The following SMO variants were observed in gnomAD, a reference collection of about 807,000 sequenced individuals.
SMO encodes the protein protein smoothened.
Under a neutral mutation model 81.6 loss-of-function variants are expected in SMO, and 40 were observed. The observed-to-expected ratio is 0.49, with a 90% CI of 0.38 to 0.64. The LOEUF (loss-of-function observed/expected upper bound fraction) is 0.64, where lower values mean the gene tolerates loss of function less well. Among genes scored for constraint, SMO ranks in the 30% least tolerant of loss-of-function variants. The pLI is 0.00. For synonymous variants in SMO, 434 were observed against 432.1 expected, an observed-to-expected ratio of 1.00 and a Z score of -0.05; for missense variants, 916 against 1,061.1, an observed-to-expected ratio of 0.86 and a Z score of 1.90.
rs1793845215 is a variant in SMO, at chr7:129,210,138, G to T, written c.1467-225G>T. 3 of 489,170 alleles carry T rather than the reference G, an allele frequency of 6.1e-6. No individual in the cohort carries two copies. The highest frequency in any genetic ancestry group is 4.7e-5 in the South Asian group (2 of 42,332). The allele number at this position is 489,170 out of a possible 1,614,324, so 30.3% of individuals were successfully genotyped here. A position where few individuals can be genotyped will look rare whatever the true frequency, so the allele number is the denominator to read the frequency against. Reference sequence around the variant, plus strand: ...AGCTTAGCCCTTTCTAAAGTTTTTGGATTGATTGTCTGAGTCTACCCAGTA... The same window carrying T: ...AGCTTAGCCCTTTCTAAAGTTTTTGTATTGATTGTCTGAGTCTACCCAGTA... On this transcript the variant is annotated intron_variant, in intron 8 of 11. Coordinates refer to ENST00000249373, the MANE Select transcript of SMO (RefSeq NM_005631.5). The surrounding 1 kb of genome is among the most constrained non-coding windows in gnomAD (Gnocchi z 4.7).
In SMO at chr7:129,208,936, A is replaced by C. The variant is rs938201152; in HGVS notation, c.1357+85A>C. On this transcript the variant is annotated intron_variant, in intron 7 of 11. Transcript: ENST00000249373. This position sits in a 1 kb window ranked among gnomAD's most constrained non-coding sequence, Gnocchi z 5.2. ...TGGGGCTATGCGACCGGCAGGATGCAGTAAGTCAGTGGGACAAGTTAGCCA... is the reference window on the plus strand; with the variant it reads ...TGGGGCTATGCGACCGGCAGGATGCCGTAAGTCAGTGGGACAAGTTAGCCA... The C allele has an allele frequency of 1.1e-6, 1 of 908,880 alleles. No homozygotes were observed. The highest frequency in any genetic ancestry group is 1.6e-5 in the African/African-American group (1 of 61,194). The allele number at this position is 908,880 out of a possible 1,614,324, so 56.3% of individuals were successfully genotyped here.
rs2150653874 is a variant in SMO at position 129,210,470 on chromosome 7, T to C, written c.1574T>C (p.Met525Thr). 1 of 1,614,072 alleles carries C rather than the reference T, an allele frequency of 6.2e-7. No homozygotes were observed. The highest frequency in any genetic ancestry group is 8.5e-7 in the Non-Finnish European group (1 of 1,179,906). ...GTGGAGAAGATCAACCTGTTTGCCA[T>C]GTTTGGAACTGGCATCGCCATGAGC... ...LLVEKINLFAMFGTGIAMSTW... is the reference protein window; with the variant it reads ...LLVEKINLFATFGTGIAMSTW... Residue 525 changes from methionine to threonine, a missense_variant, in exon 9 of 12, where the codon ATG becomes ACG. Met to Thr is a moderately conservative substitution (Grantham distance 81, BLOSUM62 -1). Coordinates refer to ENST00000249373, the MANE Select transcript of SMO (RefSeq NM_005631.5). The surrounding 1 kb of genome is among the most constrained non-coding windows in gnomAD (Gnocchi z 4.7).
chr7:129,189,510 G>T lies in SMO; in HGVS notation c.331+28G>T, dbSNP rs1342662081. 2.6e-6 allele frequency: 4 copies of T among 1,533,938 alleles called. No individual in the cohort carries two copies. In the South Asian group the frequency reaches 3.6e-5, roughly 14 times the overall value. On this transcript the variant is annotated intron_variant, in intron 1 of 11. Coordinates refer to ENST00000249373, the MANE Select transcript of SMO (RefSeq NM_005631.5). This position sits in a 1 kb window ranked among gnomAD's most constrained non-coding sequence, Gnocchi z 4.7. ...AAGTGCGGCGGAGCCGGGTCTGGGG[G>T]GCGGGAGGTGCCGCGGTAAGATGGG...
At chr7:129,195,366 A>G (rs527622061) in intron 1 of SMO, among the ~76,000 whole-genome samples, 1 of 152,234 alleles carries the variant, frequency 6.6e-6, no homozygotes, top group African/African-American at 2.4e-5. Context: ...AGCCTTTTAC[A>G]TTTTTGCCAA....
rs141955434 is a variant in SMO, at chr7:129,212,317, C to T, written c.2230C>T (p.Pro744Ser). 6.2e-7 allele frequency: 1 copy of T among 1,614,176 alleles called. No homozygotes were observed. Among genetic ancestry groups the T allele is most frequent in the Non-Finnish European group, 8.5e-7 (1 of 1,180,032 alleles). The change falls in exon 12 of 12, where the codon CCT becomes TCT. Residue 744 changes from proline to serine, a missense_variant. Physicochemically the swap from Pro to Ser is moderately conservative, Grantham distance 74 (BLOSUM62 -1). Coordinates refer to ENST00000249373, the MANE Select transcript of SMO (RefSeq NM_005631.5). The surrounding 1 kb of genome is among the most constrained non-coding windows in gnomAD (Gnocchi z 5.0). ...CCCATTCTGCCCAGAGCCCAGTCCC[C>T]CTCAGGATCCATTTCTGCCCAGTGC... ...SNPFCPEPSP[P>S]QDPFLPSAPA...
chr7:129,195,867 C>T (rs1793564443), intron 1 of SMO, among the ~76,000 whole-genome samples: 1 of 151,904 alleles, frequency 6.6e-6, no homozygotes, highest in Admixed American at 6.6e-5. Context: ...TTTGGGAGGT[C>T]AAGGTGGGCA....
chr7:129,199,202 G>A (rs1156768814), intron 1 of SMO, among the ~76,000 whole-genome samples: 1 of 98,514 alleles, frequency 1.0e-5, no homozygotes, highest in South Asian at 3.1e-4. Flanking sequence ...TTTTTTTTGA[G>A]ATAGAGTTTT....
rs898457097 is a variant in SMO, at chr7:129,203,545, G to C, written c.493G>C (p.Asp165His). ...CGTGGAGAGGGAGCGGGGCTGGCCTGACTTCCTGCGCTGCACTCCTGACCG... is the reference window on the plus strand; with the variant it reads ...CGTGGAGAGGGAGCGGGGCTGGCCTCACTTCCTGCGCTGCACTCCTGACCG... Reference protein sequence around the residue: ...AIVERERGWPDFLRCTPDRFP... With the variant: ...AIVERERGWPHFLRCTPDRFP... Residue 165 changes from aspartate to histidine, a missense_variant, in exon 2 of 12, where the codon GAC becomes CAC. Physicochemically the swap from Asp to His is moderately conservative, Grantham distance 81. Coordinates refer to ENST00000249373, the MANE Select transcript of SMO (RefSeq NM_005631.5). The C allele has an allele frequency of 1.2e-6, 2 of 1,604,944 alleles. No homozygotes were observed. The highest frequency in any genetic ancestry group is 1.7e-6 in the Non-Finnish European group (2 of 1,179,686).
At position 129,206,467 on chromosome 7, in the gene SMO, G is replaced by A. The variant is rs1371471706; in HGVS notation, c.1144G>A (p.Asp382Asn). 1 of 1,614,102 alleles carries A rather than the reference G, an allele frequency of 6.2e-7. No individual in the cohort carries two copies. The highest frequency in any genetic ancestry group is 1.7e-5 in the Admixed American group (1 of 60,024). The change falls in exon 6 of 12, where the codon GAT becomes AAT. Residue 382 changes from aspartate (D) to asparagine (N), a missense_variant. By Grantham distance (23) the Asp-to-Asn change is conservative (BLOSUM62 1). Around this residue, in one of 4 missense-constraint regions of SMO, gnomAD observed 436 missense variants for 570.9 expected, o/e 0.76. Transcript: ENST00000249373. This position sits in a 1 kb window ranked among gnomAD's most constrained non-coding sequence, Gnocchi z 4.4. ...GTCCCACCCCTTCCTGCTGCAGGTGGATGGGGACTCTGTGAGTGGGATTTG... is the reference window on the plus strand; with the variant it reads ...GTCCCACCCCTTCCTGCTGCAGGTGAATGGGGACTCTGTGAGTGGGATTTG... ...TVAILAVAQVDGDSVSGICFV... is the reference protein window; with the variant it reads ...TVAILAVAQVNGDSVSGICFV...
rs1329801100 is a variant in SMO at position 129,211,352 on chromosome 7, C to A, written c.1801+239C>A. On this transcript the variant is annotated intron_variant, in intron 10 of 11. Coordinates refer to ENST00000249373, the MANE Select transcript of SMO (RefSeq NM_005631.5). This position sits in a 1 kb window ranked among gnomAD's most constrained non-coding sequence, Gnocchi z 4.6. ...CGGTGCTTGGGTTCCAAGAAGACTC[C>A]CCTCCCTCTCCCTTCTCATAAATTC... The A allele has an allele frequency of 2.8e-6, 2 of 707,572 alleles. No homozygotes were observed. Among genetic ancestry groups the A allele is most frequent in the Non-Finnish European group, 5.1e-6 (2 of 390,948 alleles). 43.8% of individuals were successfully genotyped at this position (707,572 alleles called of 1,614,324 possible). A position where few individuals can be genotyped will look rare whatever the true frequency, so the allele number is the denominator to read the frequency against.
In SMO at chr7:129,205,190, T is replaced by TC. The variant is rs764173699; in HGVS notation, c.538-10dup. 2.1e-4 allele frequency: 333 copies of TC among 1,613,106 alleles called. 1 individual carries two copies. In the Middle Eastern group the frequency reaches 2.5e-3, roughly 12 times the overall value. On this transcript the variant is annotated splice_polypyrimidine_tract_variant and intron_variant, in intron 2 of 11. Coordinates refer to ENST00000249373, the MANE Select transcript of SMO (RefSeq NM_005631.5). ...GCTGCCTTGACACCGTCTTTTCCCA[T>TC]CCCTGGTGCCAGAATGAGGTGCAGA...
At chr7:129,207,110 C>T (rs753077102) in intron 6 of SMO, among the ~76,000 whole-genome samples, 5 of 152,150 alleles carry the variant, frequency 3.3e-5, no homozygotes, top group Admixed American at 6.6e-5. Context: ...TCCCAAAGTG[C>T]GGAGATTACA....
chr7:129,210,480 T>C lies in SMO; in HGVS notation c.1584T>C (p.Thr528=). 1.9e-6 allele frequency: 3 copies of C among 1,614,200 alleles called. No homozygotes were observed. Among genetic ancestry groups the C allele is most frequent in the Non-Finnish European group, 8.5e-7 (1 of 1,180,020 alleles). The change falls in exon 9 of 12, where the codon ACT becomes ACC. Residue 528 remains threonine, a synonymous_variant. Coordinates refer to ENST00000249373, the MANE Select transcript of SMO (RefSeq NM_005631.5). This position sits in a 1 kb window ranked among gnomAD's most constrained non-coding sequence, Gnocchi z 4.7. The part of the protein sequence containing the change: ...EKINLFAMFG[T]GIAMSTWVWT... ...TCAACCTGTTTGCCATGTTTGGAACTGGCATCGCCATGAGCACCTGGGTCT... is the reference window on the plus strand; with the variant it reads ...TCAACCTGTTTGCCATGTTTGGAACCGGCATCGCCATGAGCACCTGGGTCT...
chr7:129,211,542 G>A lies in SMO; in HGVS notation c.1802-94G>A, dbSNP rs2150655319. ...TTTCTCTGGTGAGCAGGAGGGACTG[G>A]CTGTGGGAAGATGAATGGCACTGAC... On this transcript the variant is annotated intron_variant, in intron 10 of 11. Coordinates refer to ENST00000249373, the MANE Select transcript of SMO (RefSeq NM_005631.5). The surrounding 1 kb of genome is among the most constrained non-coding windows in gnomAD (Gnocchi z 4.6). The A allele has an allele frequency of 7.4e-7, 1 of 1,355,248 alleles. No individual in the cohort carries two copies. The highest frequency in any genetic ancestry group is 1.0e-6 in the Non-Finnish European group (1 of 958,034). 84.0% of individuals were successfully genotyped at this position (1,355,248 alleles called of 1,614,324 possible).
Position 129,210,590 on chromosome 7 carries a change from C to T in SMO, c.1652+42C>T, listed in dbSNP as rs199684399. The stretch of plus-strand genomic sequence containing the variant: ...GCCCCTCCTGCCCTGCCCGCCTCAC[C>T]CTCAGCCTTGGGACCCCATCTTTAG... On this transcript the variant is annotated intron_variant, in intron 9 of 11. Transcript: ENST00000249373. The surrounding 1 kb of genome is among the most constrained non-coding windows in gnomAD (Gnocchi z 4.7). The T allele has an allele frequency of 3.9e-5, 59 of 1,522,774 alleles. No individual in the cohort carries two copies. In the African/African-American group the frequency reaches 6.3e-4, roughly 16 times the overall value. 94.3% of individuals were successfully genotyped at this position (1,522,774 alleles called of 1,614,324 possible).
rs546852097 is a variant in SMO, at chr7:129,192,050, A to C, written c.331+2568A>C. Among the ~76,000 whole-genome samples the C allele has an allele frequency of 2.0e-5, 3 of 152,320 alleles. No homozygotes were observed. In the South Asian group the frequency reaches 6.2e-4, roughly 32 times the overall value. ...GCCTGAGACCTTGCCTCTAAAAAAA[A>C]AAAAGGAAGACAGATAATTCAACAG... On this transcript the variant is annotated intron_variant, in intron 1 of 11. Transcript: ENST00000249373.
chr7:129,199,185 T>TTC (rs1057165115), intron 1 of SMO, among the ~76,000 whole-genome samples: 19 of 149,156 alleles, frequency 1.3e-4, no homozygotes, highest in African/African-American at 2.4e-4. Flanking sequence ...TTCTTTTCTT[T>TTC]TTTTTTTTTT....
At position 129,211,722 on chromosome 7, in the gene SMO, G is replaced by A. The variant is rs1793872770; in HGVS notation, c.1888G>A (p.Gly630Arg). Residue 630 changes from glycine (G) to arginine (R), a missense_variant, in exon 11 of 12, where the codon GGA becomes AGA. Transcript: ENST00000249373. This position sits in a 1 kb window ranked among gnomAD's most constrained non-coding sequence, Gnocchi z 4.6. ...TGTCACCAAGATGGTGGCTCGGAGA[G>A]GAGCCATACTGCCCCAGGATATTTC... Reference protein sequence around the residue: ...QHVTKMVARRGAILPQDISVT... With the variant: ...QHVTKMVARRRAILPQDISVT... 1.9e-6 allele frequency: 3 copies of A among 1,613,898 alleles called. No homozygotes were observed. Among genetic ancestry groups the A allele is most frequent in the Non-Finnish European group, 2.5e-6 (3 of 1,179,838 alleles).
chr7:129,209,472 G>A lies in SMO; in HGVS notation c.1466+75G>A, dbSNP rs529941534. ...ATAAAGACACCCACCTCCACCCACC[G>A]GGCAGCAGGGATTTGCCAGGTCCCT... On this transcript the variant is annotated intron_variant, in intron 8 of 11. Coordinates refer to ENST00000249373, the MANE Select transcript of SMO (RefSeq NM_005631.5). 4.8e-5 allele frequency: 44 copies of A among 924,084 alleles called. No individual in the cohort carries two copies. The Admixed American group carries it at 6.2e-4, about 13-fold the overall frequency. 57.2% of individuals were successfully genotyped at this position (924,084 alleles called of 1,614,324 possible). A position where few individuals can be genotyped will look rare whatever the true frequency, so the allele number is the denominator to read the frequency against.
Sources: gnomAD v4.1 joint callset for allele counts (sites outside exome capture counted in the v4.1 genomes callset) on GRCh38, gnomAD v4.1.1 for gene constraint, gnomAD v4.1.1 regional missense constraint, Gnocchi (gnomAD v3.1) non-coding constraint, MANE v1.5 for transcripts, NCBI Gene and HGNC (gene_info 2026-07-23, HGNC 2026-07-21) for gene names.